KCNQ1: variants seen among roughly 807,000 people sequenced by gnomAD.
KCNQ1 encodes the protein potassium voltage-gated channel subfamily KQT member 1.
A neutral mutation model predicts 72.4 loss-of-function variants in KCNQ1; 49 were observed. That is an observed-to-expected ratio of 0.68 (90% CI 0.54 to 0.86). The LOEUF is 0.86. KCNQ1 is among the 40% of genes least tolerant of loss of function. The probability of loss-of-function intolerance (pLI) is 0.00; values close to 1 mark genes in which losing one functional copy is unlikely to be tolerated. For missense variants in KCNQ1, 790 were observed against 945.1 expected (o/e 0.84, Z 2.15); for synonymous variants, 450 against 412.6 (o/e 1.09, Z -1.10).
rs1193135785 is a variant in KCNQ1 at position 2,746,858 on chromosome 11, C to T, written c.1515-21986C>T. ...CCTGGGATGTGGATCACACTGGTGA[C>T]CCCTGTGAGCCCCACTGGGGACAGA... is the stretch of plus-strand genomic sequence containing the variant. On this transcript the variant is annotated intron_variant, in intron 11 of 15. Transcript: ENST00000155840. This position sits in a 1 kb window ranked among gnomAD's most constrained non-coding sequence, Gnocchi z 5.9. Among the ~76,000 whole-genome samples, 1 of 152,244 alleles carries T rather than the reference C, an allele frequency of 6.6e-6. No individual in the cohort carries two copies. The highest frequency in any genetic ancestry group is 1.5e-5 in the Non-Finnish European group (1 of 68,034).
chr11:2,789,239 G>A (rs1184338929), intron 15 of KCNQ1, among the ~76,000 whole-genome samples: 1 of 152,204 alleles, frequency 6.6e-6, no homozygotes, highest in African/African-American at 2.4e-5. Context: ...TGGCATGGGT[G>A]CGGAAGAGCA....
chr11:2,549,933 G>A lies in KCNQ1; in HGVS notation c.478-20695G>A, dbSNP rs538196160. ...GCCCACCGCCCCCGCCACCCAGCGCGAGCCGCGTAGAGGAGCAGGAAGGGA... is the reference window on the plus strand; with the variant it reads ...GCCCACCGCCCCCGCCACCCAGCGCAAGCCGCGTAGAGGAGCAGGAAGGGA... On this transcript the variant is annotated intron_variant, in intron 2 of 15. Transcript: ENST00000155840. This position sits in a 1 kb window ranked among gnomAD's most constrained non-coding sequence, Gnocchi z 6.2. 1.2e-4 allele frequency among the ~76,000 whole-genome samples: 19 copies of A among 152,230 alleles called. No homozygotes were observed. In the East Asian group the frequency reaches 2.7e-3, roughly 22 times the overall value.
At chr11:2,591,444 C>T (rs545007927) in intron 10 of KCNQ1, among the ~76,000 whole-genome samples, 33 of 152,362 alleles carry the variant, frequency 2.2e-4, no homozygotes, top group East Asian at 1.9e-3. Context: ...CCGCTGGAGC[C>T]GGCACAAAGG....
chr11:2,649,675 C>T, intron 10 of KCNQ1: 1 of 398,582 alleles, frequency 2.5e-6, no homozygotes, highest in East Asian at 3.6e-5. Flanking sequence ...ATCTGTTAAT[C>T]TGCTGTTGAT....
intron 1 of KCNQ1, chr11:2,461,781 G>C: frequency 7.6e-7 from 1 of 1,307,590 alleles, no homozygotes; most frequent in Admixed American, 2.1e-5. Context: ...GGGCTGAATT[G>C]TGGTCAGTTA....
chr11:2,761,796 C>A (rs1846400001), intron 11 of KCNQ1, among the ~76,000 whole-genome samples: 1 of 152,258 alleles, frequency 6.6e-6, no homozygotes, highest in African/African-American at 2.4e-5. Flanking sequence ...AGCTGGGGGC[C>A]TGGGCTGGCA....
Position 2,601,043 on chromosome 11 carries a change from G to A in KCNQ1, c.1393+12189G>A, listed in dbSNP as rs1049896879. Among the ~76,000 whole-genome samples, 5 of 151,294 alleles carry A rather than the reference G, an allele frequency of 3.3e-5. No homozygotes were observed. The highest frequency in any genetic ancestry group is 4.9e-5 in the African/African-American group (2 of 41,064). ...TTTGCCTTGCAACCAATAAACAATC[G>A]GGGGAGATTCTTTAAGGCCATGCAT... On this transcript the variant is annotated intron_variant, in intron 10 of 15. Transcript: ENST00000155840. The surrounding 1 kb of genome is among the most constrained non-coding windows in gnomAD (Gnocchi z 5.2).
chr11:2,470,566 G>A (rs1846431400), intron 1 of KCNQ1, among the ~76,000 whole-genome samples: 1 of 152,046 alleles, frequency 6.6e-6, no homozygotes, highest in African/African-American at 2.4e-5. Flanking sequence ...CAGCCCTTTG[G>A]GAAGAAAACC....
At position 2,572,062 on chromosome 11, in the gene KCNQ1, G is replaced by T. The variant is rs1060500628; in HGVS notation, c.733G>T (p.Gly245Ter). 1 of 1,612,906 alleles carries T rather than the reference G, an allele frequency of 6.2e-7. No individual in the cohort carries two copies. Among genetic ancestry groups the T allele is most frequent in the South Asian group, 1.1e-5 (1 of 91,086 alleles). ...GAGGATGCTACACGTCGACCGCCAG[G>T]GAGGCACCTGGAGGCTCCTGGGCTC... ...ILRMLHVDRQ[G>*]GTWRLLGSVV... is the part of the protein sequence containing the mutation. Residue 245 changes from glycine to a stop codon, truncating the protein, a stop_gained, in exon 5 of 16, where the codon GGA (glycine) becomes TGA (stop). Coordinates refer to ENST00000155840, the MANE Select transcript of KCNQ1 (RefSeq NM_000218.3). LOFTEE classifies it high-confidence loss of function.
intron 1 of KCNQ1, among the ~76,000 whole-genome samples, chr11:2,499,519 G>A (rs1846974058): frequency 6.8e-6 from 1 of 146,072 alleles, no homozygotes; most frequent in Non-Finnish European, 1.5e-5. Flanking sequence ...TGGTTGAATG[G>A]ACCCCTGCCC....
Position 2,760,879 on chromosome 11 carries a change from C to T in KCNQ1, c.1515-7965C>T, listed in dbSNP as rs113696988. ...TACAGTCGGACAGGTTGTGGGGCTC[C>T]GACCCCACAGCAGCGTCTAGGGGTG... On this transcript the variant is annotated intron_variant, in intron 11 of 15. Coordinates refer to ENST00000155840, the MANE Select transcript of KCNQ1 (RefSeq NM_000218.3). Among the ~76,000 whole-genome samples, 486 of 152,298 alleles carry T rather than the reference C, an allele frequency of 3.2e-3. 4 individuals are homozygous for T. The highest frequency in any genetic ancestry group is 5.3e-3 in the Non-Finnish European group (363 of 68,028).
Position 2,555,965 on chromosome 11 carries a change from C to G in KCNQ1, c.478-14663C>G, listed in dbSNP as rs563099695. Among the ~76,000 whole-genome samples, 4 of 152,354 alleles carry G rather than the reference C, an allele frequency of 2.6e-5. No homozygotes were observed. In the South Asian group the frequency reaches 8.3e-4, roughly 32 times the overall value. ...TCTCTAGAGACCCTAGAACAGACCT[C>G]TGGCCTGGCCTTGCTGATGACCTGG... On this transcript the variant is annotated intron_variant, in intron 2 of 15. Coordinates refer to ENST00000155840, the MANE Select transcript of KCNQ1 (RefSeq NM_000218.3).
Position 2,445,276 on chromosome 11 carries a change from G to C in KCNQ1, c.178G>C (p.Gly60Arg). 7.8e-7 allele frequency: 1 copy of C among 1,274,636 alleles called. No individual in the cohort carries two copies. Among genetic ancestry groups the C allele is most frequent in the Non-Finnish European group, 9.8e-7 (1 of 1,016,350 alleles). 79.0% of individuals were successfully genotyped at this position (1,274,636 alleles called of 1,614,324 possible). ...LYAPIAPGAP[G>R]PAPPASPAAP... The stretch of plus-strand genomic sequence containing the variant: ...CGCGCCCATCGCGCCCGGCGCCCCA[G>C]GTCCCGCGCCCCCTGCGTCCCCGGC... Residue 60 changes from glycine (G) to arginine (R), a missense_variant, in exon 1 of 16, where the codon GGT (glycine) becomes CGT (arginine). By Grantham distance (125) the Gly-to-Arg change is moderately radical (BLOSUM62 -2). This residue lies in a region of KCNQ1 where 294 missense variants were observed against 323.3 expected (regional missense o/e 0.91). Transcript: ENST00000155840.
chr11:2,532,898 A>G (rs749274807), intron 2 of KCNQ1, among the ~76,000 whole-genome samples: 2 of 152,160 alleles, frequency 1.3e-5, no homozygotes, highest in African/African-American at 2.4e-5. Context: ...TCGGGGAGGT[A>G]CGAGAAGCAA....
intron 11 of KCNQ1, among the ~76,000 whole-genome samples, chr11:2,754,668 C>T (rs949234448): frequency 6.6e-6 from 1 of 152,148 alleles, no homozygotes; most frequent in African/African-American, 2.4e-5. Flanking sequence ...AGAGTTGGGC[C>T]CCCACCTCAT....
rs1243195267 is a variant in KCNQ1 at position 2,516,716 on chromosome 11, T to C, written c.387-11212T>C. Among the ~76,000 whole-genome samples the C allele has an allele frequency of 6.6e-6, 1 of 152,106 alleles. No individual in the cohort carries two copies. Among genetic ancestry groups the C allele is most frequent in the Non-Finnish European group, 1.5e-5 (1 of 68,020 alleles). On this transcript the variant is annotated intron_variant, in intron 1 of 15. Coordinates refer to ENST00000155840, the MANE Select transcript of KCNQ1 (RefSeq NM_000218.3). The surrounding 1 kb of genome is among the most constrained non-coding windows in gnomAD (Gnocchi z 7.0). ...CCACCTGATTTTGTCGATAAAGTTTTATTAGGACACAGCCATGCCCGGCCG... is the reference window on the plus strand; with the variant it reads ...CCACCTGATTTTGTCGATAAAGTTTCATTAGGACACAGCCATGCCCGGCCG...
At chr11:2,665,026 G>C (rs748704337) in intron 11 of KCNQ1, 2 of 398,534 alleles carry the variant, frequency 5.0e-6, no homozygotes, top group Non-Finnish European at 8.8e-6. Flanking sequence ...GAGGTGGGGT[G>C]GGGGGTGAGC....
chr11:2,772,910 A>T lies in KCNQ1; in HGVS notation c.1591-3050A>T, dbSNP rs1846625630. ...TGGAGGTGCCCCATGCTTCAGCTTC[A>T]CAGAGCTCTGTGGTCTGCAGGAGGC... On this transcript the variant is annotated intron_variant, in intron 12 of 15. Transcript: ENST00000155840. The surrounding 1 kb of genome is among the most constrained non-coding windows in gnomAD (Gnocchi z 6.6). Among the ~76,000 whole-genome samples the T allele has an allele frequency of 6.6e-6, 1 of 152,060 alleles. No homozygotes were observed. Among genetic ancestry groups the T allele is most frequent in the Non-Finnish European group, 1.5e-5 (1 of 68,008 alleles).
intron 11 of KCNQ1, chr11:2,697,164 G>C: frequency 2.5e-6 from 1 of 398,582 alleles, no homozygotes; most frequent in Non-Finnish European, 4.4e-6. Flanking sequence ...ATATGTGCTT[G>C]TATAGTTCTG....
Sources: allele counts gnomAD v4.1 joint callset (sites outside exome capture counted in the v4.1 genomes callset), GRCh38; gene constraint gnomAD v4.1.1; regional missense constraint gnomAD v4.1.1; non-coding constraint Gnocchi (gnomAD v3.1); transcripts MANE v1.5; gene names NCBI Gene and HGNC (gene_info 2026-07-23, HGNC 2026-07-21).